The following LANCL1 variants were observed in gnomAD, a reference collection of about 807,000 sequenced individuals.
The protein encoded by LANCL1 is LanC like glutathione S-transferase 1.
In LANCL1, 50 loss-of-function variants were observed where a neutral mutation model predicts 50.6. The ratio of observed to expected loss-of-function variants is 0.99; its 90% confidence interval spans 0.79 to 1.25. The LOEUF (loss-of-function observed/expected upper bound fraction) is 1.25, where lower values mean the gene tolerates loss of function less well. Among genes scored for constraint, LANCL1 ranks in the 50% most tolerant of loss-of-function variants. The probability of loss-of-function intolerance (pLI) is 0.00; values close to 1 mark genes in which losing one functional copy is unlikely to be tolerated. For synonymous variants in LANCL1, 188 were observed against 178.6 expected (o/e 1.05, Z -0.42); for missense variants, 532 against 480.7 (o/e 1.11, Z -1.00).
chr2:210,455,297 A>G lies in LANCL1; in HGVS notation c.217T>C (p.Leu73=), dbSNP rs1315592873. 1 of 1,599,388 alleles carries G rather than the reference A, an allele frequency of 6.3e-7. No homozygotes were observed. The highest frequency in any genetic ancestry group is 1.7e-5 in the Admixed American group (1 of 58,008). The change falls in exon 4 of 10, where the codon TTA becomes CTA. Residue 73 remains leucine (L), a synonymous_variant. Transcript: ENST00000450366. ...TGWAGIAVLY[L]HLYDVFGDPA... Reference sequence around the variant, plus strand: ...TCCCCAAATACATCATAAAGATGTAAGTAAAGCACAGCAATACCTGAAAAA... The same window carrying G: ...TCCCCAAATACATCATAAAGATGTAGGTAAAGCACAGCAATACCTGAAAAA...
intron 4 of LANCL1, among the ~76,000 whole-genome samples, chr2:210,444,564 T>C (rs1189740356): frequency 6.6e-6 from 1 of 152,212 alleles, no homozygotes; most frequent in Non-Finnish European, 1.5e-5. Context: ...GTTTAAACTT[T>C]TTCATATTAT....
intron 4 of LANCL1, among the ~76,000 whole-genome samples, chr2:210,443,004 C>A (rs890491860): frequency 3.3e-5 from 5 of 152,218 alleles, no homozygotes; most frequent in Non-Finnish European, 5.9e-5. Flanking sequence ...ATTGGAGGAA[C>A]TGCAGTCTTA....
intron 2 of LANCL1, among the ~76,000 whole-genome samples, chr2:210,473,615 A>C (rs1694281330): frequency 6.6e-6 from 1 of 152,166 alleles, no homozygotes; most frequent in Non-Finnish European, 1.5e-5. Flanking sequence ...AAATCTTAAC[A>C]CTGAAAACAG....
intron 3 of LANCL1, among the ~76,000 whole-genome samples, chr2:210,461,913 T>C (rs1330189410): frequency 6.6e-6 from 1 of 152,238 alleles, no homozygotes; most frequent in Non-Finnish European, 1.5e-5. Context: ...TACTATGTTA[T>C]CTGCAAGGGA....
Position 210,437,792 on chromosome 2 carries a change from A to T in LANCL1, c.771T>A (p.Pro257=). Residue 257 remains proline (P), a synonymous_variant, in exon 7 of 10, where the codon CCT becomes CCA. Transcript: ENST00000450366. ...SVDYVCQLKF[P]SGNYPPCIGD... is the part of the protein sequence containing the mutation. Reference sequence around the variant, plus strand: ...CTATACATGGAGGGTAATTGCCAGAAGGGAATTTCAGCTGGCAGACGTAGT... The same window carrying T: ...CTATACATGGAGGGTAATTGCCAGATGGGAATTTCAGCTGGCAGACGTAGT... 6.2e-7 allele frequency: 1 copy of T among 1,613,422 alleles called. No individual in the cohort carries two copies. Among genetic ancestry groups the T allele is most frequent in the Non-Finnish European group, 8.5e-7 (1 of 1,179,580 alleles).
intron 5 of LANCL1, 114 bp from the exon 6 acceptor site, chr2:210,440,858 C>G: frequency 1.1e-6 from 1 of 885,232 alleles, no homozygotes; most frequent in Non-Finnish European, 1.7e-6. Flanking sequence ...TAGACACCAG[C>G]TTATAGCCAG....
intron 3 of LANCL1, chr2:210,471,527 G>A: frequency 2.2e-6 from 1 of 457,330 alleles, no homozygotes; most frequent in East Asian, 6.9e-5. Flanking sequence ...TTCCTGTATG[G>A]ATTCCTGTTA....
chr2:210,455,810 GTTT>G (rs60277321), intron 3 of LANCL1, among the ~76,000 whole-genome samples: 1 of 125,964 alleles, frequency 7.9e-6, no homozygotes, highest in Non-Finnish European at 1.7e-5. Flanking sequence ...GTGTGTGTGT[GTTT>G]TTTTTTTTTT....
chr2:210,468,734 G>A (rs1233461999), intron 3 of LANCL1: 1 of 152,388 alleles, frequency 6.6e-6, no homozygotes, highest in East Asian at 1.9e-4. Context: ...CCTTGAGCAA[G>A]AGGTAGAAGC....
chr2:210,464,220 T>C (rs960221162), intron 3 of LANCL1, among the ~76,000 whole-genome samples: 1 of 152,210 alleles, frequency 6.6e-6, no homozygotes, highest in Non-Finnish European at 1.5e-5. Flanking sequence ...ACCATCTACA[T>C]ACTACTGGGG....
intron 4 of LANCL1, among the ~76,000 whole-genome samples, chr2:210,446,053 C>A (rs980002527): frequency 6.6e-6 from 1 of 152,152 alleles, no homozygotes; most frequent in Non-Finnish European, 1.5e-5. Flanking sequence ...CTTAAACATT[C>A]CTGCGTGCCG....
intron 9 of LANCL1, among the ~76,000 whole-genome samples, chr2:210,434,961 A>G (rs1448198665): frequency 6.6e-6 from 1 of 152,196 alleles, no homozygotes; most frequent in African/African-American, 2.4e-5. Context: ...TCAACATTAG[A>G]AGAGATCACT....
chr2:210,473,258 C>A (rs1653920421), intron 2 of LANCL1, among the ~76,000 whole-genome samples: 1 of 152,026 alleles, frequency 6.6e-6, no homozygotes. Flanking sequence ...GCCTGTAATC[C>A]CAGCTATTCG....
At chr2:210,463,066 G>A (rs1361031868) in intron 3 of LANCL1, among the ~76,000 whole-genome samples, 1 of 152,152 alleles carries the variant, frequency 6.6e-6, no homozygotes, top group East Asian at 1.9e-4. Flanking sequence ...GTAAAGAGCA[G>A]GACTCAAGAG....
intron 4 of LANCL1, among the ~76,000 whole-genome samples, chr2:210,445,954 C>T (rs1357281390): frequency 1.3e-5 from 2 of 152,196 alleles, no homozygotes; most frequent in Admixed American, 1.3e-4. Context: ...AAGGCAGCAG[C>T]CCCAGTCAGG....
chr2:210,455,156 G>T lies in LANCL1; in HGVS notation c.358C>A (p.Leu120Ile), dbSNP rs1252747656. The change falls in exon 4 of 10, where the codon CTA becomes ATA. Residue 120 changes from leucine (L) to isoleucine (I), a missense_variant. Transcript: ENST00000450366. ...DAGPLAVAAV[L>I]YHKMNNEKQA... is the part of the protein sequence containing the mutation. The stretch of plus-strand genomic sequence containing the variant: ...TTCTCATTGTTCATCTTGTGATATA[G>T]CACAGCGGCCACTGCCAGGGGGCCT... The T allele has an allele frequency of 6.2e-7, 1 of 1,613,680 alleles. No homozygotes were observed. Among genetic ancestry groups the T allele is most frequent in the Middle Eastern group, 1.7e-4 (1 of 6,056 alleles).
chr2:210,461,565 T>G (rs1002999294), intron 3 of LANCL1, among the ~76,000 whole-genome samples: 4 of 152,180 alleles, frequency 2.6e-5, no homozygotes, highest in Non-Finnish European at 5.9e-5. Context: ...CTATAATGAC[T>G]TGCATTTAGA....
At chr2:210,443,915 G>A (rs1574418902) in intron 4 of LANCL1, among the ~76,000 whole-genome samples, 2 of 152,200 alleles carry the variant, frequency 1.3e-5, no homozygotes, top group East Asian at 3.8e-4. Flanking sequence ...ATGGGCTGGA[G>A]GTTTGGAAGA....
chr2:210,471,928 C>T, intron 3 of LANCL1, 31 bp downstream of exon 3: 1 of 1,452,800 alleles, frequency 6.9e-7, no homozygotes, highest in Non-Finnish European at 9.7e-7. Context: ...AAGCACAATG[C>T]TTATGCCAGC....
Sources: allele counts gnomAD v4.1 joint callset (sites outside exome capture counted in the v4.1 genomes callset), GRCh38; gene constraint gnomAD v4.1.1; transcripts MANE v1.5; gene names NCBI Gene and HGNC (gene_info 2026-07-23, HGNC 2026-07-21).